The following NBN variants were observed in gnomAD, a reference collection of about 807,000 sequenced individuals.
The protein encoded by NBN is Nijmegen breakage syndrome 1 (nibrin).
In NBN, 88 loss-of-function variants were observed where a neutral mutation model predicts 90.8. The ratio of observed to expected loss-of-function variants is 0.97; its 90% confidence interval spans 0.82 to 1.16. The LOEUF is 1.16. NBN is among the 50% of genes most tolerant of loss of function. NBN has a pLI of 0.00. For synonymous variants in NBN, 328 were observed against 295.1 expected (o/e 1.11, Z -1.14); for missense variants, 894 against 869.6 (o/e 1.03, Z -0.35).
Position 89,984,507 on chromosome 8 carries a change from C to A in NBN, c.37+18G>T, listed in dbSNP as rs1812238225. 3 of 1,610,430 alleles carry A rather than the reference C, an allele frequency of 1.9e-6. No homozygotes were observed. The highest frequency in any genetic ancestry group is 2.5e-6 in the Non-Finnish European group (3 of 1,177,170). ...GCTACCGGGAAAATAGGCCCCGAGG[C>A]TTCCCTTCTGCCCTTACCTCCTGCC... On this transcript the variant is annotated intron_variant, in intron 1 of 15. Coordinates refer to ENST00000265433, the MANE Select transcript of NBN (RefSeq NM_002485.5).
intron 7 of NBN, among the ~76,000 whole-genome samples, chr8:89,965,787 G>T (rs1380327752): frequency 6.6e-6 from 1 of 152,134 alleles, no homozygotes; most frequent in African/African-American, 2.4e-5. Flanking sequence ...ACCTTGCTCA[G>T]TCAAGATATT....
At chr8:89,960,316 G>A (rs1179762589) in intron 8 of NBN, among the ~76,000 whole-genome samples, 2 of 152,060 alleles carry the variant, frequency 1.3e-5, no homozygotes, top group Non-Finnish European at 1.5e-5. Context: ...CTGCACATAA[G>A]TTTGGAAAGA....
chr8:89,943,143 G>T, intron 14 of NBN, 110 bp downstream of exon 14: 2 of 1,110,362 alleles, frequency 1.8e-6, no homozygotes, highest in Middle Eastern at 2.0e-4. Flanking sequence ...CTGAATGAAT[G>T]ACTTTATGTC....
chr8:89,953,142 A>G, intron 11 of NBN, 102 bp downstream of exon 11: 2 of 864,250 alleles, frequency 2.3e-6, no homozygotes, highest in Non-Finnish European at 3.8e-6. Context: ...ACTGAGTGTT[A>G]AAGACATTAA....
intron 5 of NBN, among the ~76,000 whole-genome samples, chr8:89,974,995 C>G (rs1811685675): frequency 6.6e-6 from 1 of 152,164 alleles, no homozygotes; most frequent in Non-Finnish European, 1.5e-5. Flanking sequence ...GCCAACTCCC[C>G]CTCCTTTCTG....
rs13312872 is a variant in NBN at position 89,978,653 on chromosome 8, A to G, written c.481-330T>C. ...TAAAATGCATTCCACTTTCGAAGAC[A>G]TTAAAATGTTAAAAATATATTTCAG... On this transcript the variant is annotated intron_variant, in intron 4 of 15. Transcript: ENST00000265433. Among the ~76,000 whole-genome samples the G allele has an allele frequency of 2.1e-3, 315 of 152,320 alleles. 1 individual carries two copies. The highest frequency in any genetic ancestry group is 7.0e-3 in the African/African-American group (290 of 41,552).
intron 8 of NBN, 137 bp from the exon 9 acceptor site, chr8:89,958,991 T>C (rs1378401132): frequency 8.7e-7 from 1 of 1,153,206 alleles, no homozygotes; most frequent in Non-Finnish European, 1.3e-6. Context: ...CTCCAATGAG[T>C]GGTACCAACA....
At chr8:89,964,895 C>T (rs939819292) in intron 7 of NBN, among the ~76,000 whole-genome samples, 1 of 152,098 alleles carries the variant, frequency 6.6e-6, no homozygotes, top group Admixed American at 6.5e-5. Flanking sequence ...GGGTGGATCA[C>T]TTGAGGTCAG....
intron 1 of NBN, among the ~76,000 whole-genome samples, chr8:89,983,138 CAGAT>C (rs1216513439): frequency 6.6e-6 from 1 of 151,842 alleles, no homozygotes; most frequent in African/African-American, 2.4e-5. Context: ...GTTATCTAAA[CAGAT>C]AGAAGGCTAC....
chr8:89,967,889 T>C (rs1173490479), intron 7 of NBN, among the ~76,000 whole-genome samples: 4 of 152,190 alleles, frequency 2.6e-5, no homozygotes, highest in Non-Finnish European at 4.4e-5. Context: ...TGCTCCTTCA[T>C]TGGCTTGAAC....
intron 9 of NBN, among the ~76,000 whole-genome samples, chr8:89,958,104 A>G (rs1235103186): frequency 6.6e-6 from 1 of 152,134 alleles, no homozygotes; most frequent in Non-Finnish European, 1.5e-5. Flanking sequence ...CACAGCTCAC[A>G]ATAGGGTTTG....
chr8:89,945,619 T>G (rs1810150918), intron 13 of NBN, among the ~76,000 whole-genome samples: 1 of 152,162 alleles, frequency 6.6e-6, no homozygotes, highest in South Asian at 2.1e-4. Context: ...ACCTACTGGA[T>G]AGAAGTCTTT....
At chr8:89,949,168 G>A (rs770195869) in intron 11 of NBN, among the ~76,000 whole-genome samples, 1 of 152,176 alleles carries the variant, frequency 6.6e-6, no homozygotes, top group African/African-American at 2.4e-5. Flanking sequence ...GGATCAGTCA[G>A]AAGAGCATGG....
Position 89,958,758 on chromosome 8 carries a change from A to G in NBN, c.1091T>C (p.Val364Ala), listed in dbSNP as rs370229163. The G allele has an allele frequency of 6.8e-6, 11 of 1,614,004 alleles. No individual in the cohort carries two copies. Among genetic ancestry groups the G allele is most frequent in the Non-Finnish European group, 9.3e-6 (11 of 1,179,980 alleles). Residue 364 changes from valine (V) to alanine (A), a missense_variant, in exon 9 of 16, where the codon GTA becomes GCA. Physicochemically the swap from Val to Ala is moderately conservative, Grantham distance 64. Transcript: ENST00000265433. The stretch of plus-strand genomic sequence containing the variant: ...TGCTTGCTCTGATTCTGTGTCAGCT[A>G]CGTATGTTGTAGTGTTCACTGGGGC... ...PSAPVNTTTY[V>A]ADTESEQADT...
At chr8:89,976,037 G>A (rs1811738234) in intron 5 of NBN, among the ~76,000 whole-genome samples, 1 of 152,150 alleles carries the variant, frequency 6.6e-6, no homozygotes, top group Non-Finnish European at 1.5e-5. Flanking sequence ...AGTCGCCCAG[G>A]CTGGAGTGCA....
intron 14 of NBN, among the ~76,000 whole-genome samples, chr8:89,942,648 A>G (rs1810002816): frequency 6.6e-6 from 1 of 152,194 alleles, no homozygotes; most frequent in African/African-American, 2.4e-5. Flanking sequence ...AAAATAAATG[A>G]ACGGATGCAA....
rs138357157 is a variant in NBN, at chr8:89,979,002, G to A, written c.481-679C>T. On this transcript the variant is annotated intron_variant, in intron 4 of 15. Coordinates refer to ENST00000265433, the MANE Select transcript of NBN (RefSeq NM_002485.5). ...AATATGCTTTTTTATTTTTGAGACAGGGTCTCGCTCTGTTGTCCAGGCTGG... is the reference window on the plus strand; with the variant it reads ...AATATGCTTTTTTATTTTTGAGACAAGGTCTCGCTCTGTTGTCCAGGCTGG... Among the ~76,000 whole-genome samples, 444 of 152,292 alleles carry A rather than the reference G, an allele frequency of 2.9e-3. 4 individuals are homozygous for A. Among genetic ancestry groups the A allele is most frequent in the African/African-American group, 0.01 (428 of 41,566 alleles).
chr8:89,967,332 C>T (rs1023805436), intron 7 of NBN, among the ~76,000 whole-genome samples: 7 of 152,180 alleles, frequency 4.6e-5, no homozygotes, highest in Admixed American at 4.6e-4. Flanking sequence ...CCACCCACAA[C>T]TGTAAACTGG....
chr8:89,979,685 T>G (rs1342718742), intron 4 of NBN, among the ~76,000 whole-genome samples: 1 of 152,194 alleles, frequency 6.6e-6, no homozygotes, highest in Non-Finnish European at 1.5e-5. Context: ...AGGTTTTCTA[T>G]TTTGGCATAT....
Sources: allele counts gnomAD v4.1 joint callset (sites outside exome capture counted in the v4.1 genomes callset), GRCh38; gene constraint gnomAD v4.1.1; transcripts MANE v1.5; gene names NCBI Gene and HGNC (gene_info 2026-07-23, HGNC 2026-07-21).